Variants in SLC24A3 observed in about 807,000 individuals in gnomAD.
SLC24A3 encodes sodium/potassium/calcium exchanger 3.
SLC24A3 carries 28 observed loss-of-function variants against 75.8 expected under a neutral mutation model. That is an observed-to-expected ratio of 0.37 (90% CI 0.27 to 0.51). The LOEUF is 0.51. Ranked by LOEUF, SLC24A3 falls within the 20% of genes least tolerant of loss-of-function variation. SLC24A3 has a pLI of 0.94. For missense variants in SLC24A3, 663 were observed against 847.8 expected (o/e 0.78, Z 2.71); for synonymous variants, 372 against 334.1 (o/e 1.11, Z -1.24).
At chr20:19,215,616 ATTCT>A (rs938187965) in intron 1 of SLC24A3, among the ~76,000 whole-genome samples, 1 of 151,238 alleles carries the variant, frequency 6.6e-6, no homozygotes. Context: ...TCCTTCCTTC[ATTCT>A]TTCTTCCTTC....
intron 6 of SLC24A3, among the ~76,000 whole-genome samples, chr20:19,602,255 T>A (rs1018050369): frequency 9.2e-5 from 14 of 152,200 alleles, no homozygotes; most frequent in African/African-American, 3.4e-4. Context: ...TTGTTGTTTA[T>A]ATACATTATT....
chr20:19,504,934 A>G (rs182900787), intron 2 of SLC24A3, among the ~76,000 whole-genome samples: 2 of 152,328 alleles, frequency 1.3e-5, no homozygotes, highest in East Asian at 3.9e-4. Flanking sequence ...AAACTACATT[A>G]TTCATGAGAT....
In SLC24A3 at chr20:19,574,778, A is replaced by G. The variant is rs143872432; in HGVS notation, c.349-5222A>G. On this transcript the variant is annotated intron_variant, in intron 3 of 16. Coordinates refer to ENST00000328041, the MANE Select transcript of SLC24A3 (RefSeq NM_020689.4). ...TAGGGAGCATGCTGTGACGAGGCCC[A>G]TGTTGAAGGGTAAGCAAAGTAAGAA... Among the ~76,000 whole-genome samples the G allele has an allele frequency of 1.8e-3, 280 of 152,302 alleles. 2 individuals are homozygous for G. The highest frequency in any genetic ancestry group is 6.3e-3 in the African/African-American group (261 of 41,570).
At chr20:19,490,585 G>A (rs1395473038) in intron 2 of SLC24A3, among the ~76,000 whole-genome samples, 2 of 152,172 alleles carry the variant, frequency 1.3e-5, no homozygotes, top group Admixed American at 1.3e-4. Context: ...TTATGACTCA[G>A]TAATTGATAC....
chr20:19,402,648 G>GT (rs1438823537), intron 2 of SLC24A3, among the ~76,000 whole-genome samples: 1 of 152,194 alleles, frequency 6.6e-6, no homozygotes, highest in Non-Finnish European at 1.5e-5. Context: ...CAGAGAAGTT[G>GT]TTTTTTTGAC....
At chr20:19,306,331 C>T (rs1209401566) in intron 2 of SLC24A3, among the ~76,000 whole-genome samples, 1 of 152,160 alleles carries the variant, frequency 6.6e-6, no homozygotes, top group East Asian at 1.9e-4. Context: ...TCTCAAAGAA[C>T]TTAATACAGA....
At chr20:19,532,066 G>C (rs1478923144) in intron 3 of SLC24A3, among the ~76,000 whole-genome samples, 1 of 152,216 alleles carries the variant, frequency 6.6e-6, no homozygotes, top group African/African-American at 2.4e-5. Context: ...GTGGTGGGGA[G>C]GGCAGCCCTC....
intron 6 of SLC24A3, among the ~76,000 whole-genome samples, chr20:19,628,744 G>A (rs1201012540): frequency 6.6e-6 from 1 of 151,996 alleles, no homozygotes; most frequent in African/African-American, 2.4e-5. Context: ...GACACCAGGG[G>A]GAGCTACTGA....
At chr20:19,519,848 T>C (rs2030068560) in intron 3 of SLC24A3, among the ~76,000 whole-genome samples, 1 of 152,260 alleles carries the variant, frequency 6.6e-6, no homozygotes, top group Non-Finnish European at 1.5e-5. Context: ...TAAGCCAAGC[T>C]ACGCATTTCT....
intron 2 of SLC24A3, among the ~76,000 whole-genome samples, chr20:19,412,032 C>T (rs542618841): frequency 9.9e-5 from 15 of 152,260 alleles, no homozygotes; most frequent in Admixed American, 2.6e-4. Flanking sequence ...GTCACGGCCT[C>T]TTCTTCTGCA....
intron 16 of SLC24A3, 93 bp from the exon 17 acceptor site, chr20:19,720,898 A>C: frequency 6.8e-7 from 1 of 1,463,670 alleles, no homozygotes; most frequent in South Asian, 1.3e-5. Context: ...CATAGTCAGC[A>C]GCCCTTCCCC....
At chr20:19,633,580 C>G (rs1239084108) in intron 6 of SLC24A3, among the ~76,000 whole-genome samples, 1 of 132,962 alleles carries the variant, frequency 7.5e-6, no homozygotes, top group Non-Finnish European at 1.5e-5. Context: ...ACCCGGGAGG[C>G]GGAGCTTGCA....
intron 3 of SLC24A3, among the ~76,000 whole-genome samples, chr20:19,537,182 A>G (rs2030414037): frequency 1.3e-5 from 2 of 152,224 alleles, no homozygotes; most frequent in African/African-American, 4.8e-5. Flanking sequence ...ATTTACAAGA[A>G]AAAAACAAAC....
chr20:19,676,638 A>G (rs537295649), intron 9 of SLC24A3, among the ~76,000 whole-genome samples: 21 of 152,368 alleles, frequency 1.4e-4, no homozygotes, highest in African/African-American at 4.8e-4. Context: ...AACAGCATAT[A>G]TTAGAATCGT....
At chr20:19,274,362 G>T (rs1300037487) in intron 1 of SLC24A3, among the ~76,000 whole-genome samples, 1 of 152,018 alleles carries the variant, frequency 6.6e-6, no homozygotes, top group Admixed American at 6.5e-5. Context: ...ACCTTCTCTG[G>T]ATATTCCCTT....
In SLC24A3 at chr20:19,520,370, C is replaced by T. The variant is rs187810867; in HGVS notation, c.348+4806C>T. On this transcript the variant is annotated intron_variant, in intron 3 of 16. Coordinates refer to ENST00000328041, the MANE Select transcript of SLC24A3 (RefSeq NM_020689.4). ...TTGGAGTTGCTGCCATCTGCACCTC[C>T]TCAGGTTGATCAGAGCAGCAAAAGG... Among the ~76,000 whole-genome samples, 4 of 152,302 alleles carry T rather than the reference C, an allele frequency of 2.6e-5. No homozygotes were observed. The East Asian group carries it at 5.8e-4, about 22-fold the overall frequency.
At chr20:19,363,981 A>C (rs532225758) in intron 2 of SLC24A3, among the ~76,000 whole-genome samples, 1 of 152,144 alleles carries the variant, frequency 6.6e-6, no homozygotes, top group East Asian at 1.9e-4. Context: ...GGCTGTCTTT[A>C]GGGAGGGCCC....
At chr20:19,488,673 G>A (rs757944938) in intron 2 of SLC24A3, among the ~76,000 whole-genome samples, 2 of 152,138 alleles carry the variant, frequency 1.3e-5, no homozygotes, top group Non-Finnish European at 2.9e-5. Context: ...AAATACGCAG[G>A]ACCAGAAGTG....
chr20:19,636,844 C>T (rs2032008450), intron 6 of SLC24A3, among the ~76,000 whole-genome samples: 1 of 152,150 alleles, frequency 6.6e-6, no homozygotes, highest in African/African-American at 2.4e-5. Context: ...CAGCTGTCTA[C>T]CAAGTAACCG....
Sources: gnomAD v4.1 joint callset for allele counts (sites outside exome capture counted in the v4.1 genomes callset) on GRCh38, gnomAD v4.1.1 for gene constraint, MANE v1.5 for transcripts, NCBI Gene and HGNC (gene_info 2026-07-23, HGNC 2026-07-21) for gene names.